Variants in KATNAL2 observed in about 807,000 individuals in gnomAD.
KATNAL2 encodes katanin catalytic subunit A1 like 2.
In KATNAL2, 52 loss-of-function variants were observed where a neutral mutation model predicts 76.3. The ratio of observed to expected loss-of-function variants is 0.68; its 90% confidence interval spans 0.55 to 0.86. KATNAL2 has a LOEUF of 0.86. KATNAL2 is among the 40% of genes least tolerant of loss of function. KATNAL2 has a pLI of 0.00. For missense variants in KATNAL2, 660 were observed against 668.9 expected (o/e 0.99, Z 0.15); for synonymous variants, 243 against 244.2 (o/e 1.00, Z 0.05).
intron 3 of KATNAL2, among the ~76,000 whole-genome samples, chr18:46,956,806 G>A (rs1443698024): frequency 1.3e-5 from 2 of 152,134 alleles, no homozygotes; most frequent in Non-Finnish European, 2.9e-5. Context: ...ACTTTGGGAG[G>A]CTGAGGCAGG....
chr18:47,096,713 A>G (rs1185906341), intron 15 of KATNAL2, among the ~76,000 whole-genome samples: 1 of 152,174 alleles, frequency 6.6e-6, no homozygotes, highest in Non-Finnish European at 1.5e-5. Context: ...ACAGACTCAC[A>G]CTCAAGATGA....
chr18:47,089,698 A>C (rs1339625667), intron 15 of KATNAL2, among the ~76,000 whole-genome samples: 1 of 152,206 alleles, frequency 6.6e-6, no homozygotes, highest in African/African-American at 2.4e-5. Context: ...TTTTCACTAA[A>C]GATTAAAATA....
At chr18:47,064,223 G>A (rs1312567661) in intron 10 of KATNAL2, among the ~76,000 whole-genome samples, 1 of 151,524 alleles carries the variant, frequency 6.6e-6, no homozygotes, top group African/African-American at 2.4e-5. Flanking sequence ...CAGGGACAAA[G>A]TGCACTTTAA....
At chr18:47,038,566 C>T (rs1313858640) in intron 3 of KATNAL2, among the ~76,000 whole-genome samples, 1 of 152,136 alleles carries the variant, frequency 6.6e-6, no homozygotes, top group Non-Finnish European at 1.5e-5. Flanking sequence ...CAGGTATGCG[C>T]ATTTTTCTCT....
chr18:47,087,915 A>G (rs2062843770), intron 15 of KATNAL2, among the ~76,000 whole-genome samples: 1 of 151,410 alleles, frequency 6.6e-6, no homozygotes, highest in Non-Finnish European at 1.5e-5. Flanking sequence ...CCCACATAAA[A>G]CTCCATTGTA....
chr18:47,069,236 C>T lies in KATNAL2; in HGVS notation c.842C>T (p.Thr281Ile). ...TTTCCTTAGTATCCACAGCTATTTACAGGAATTCTTTCTCCCTGGAAAGGA... is the reference window on the plus strand; with the variant it reads ...TTTCCTTAGTATCCACAGCTATTTATAGGAATTCTTTCTCCCTGGAAAGGA... Reference protein sequence around the residue: ...VYPIRYPQLFTGILSPWKGLL... With the variant: ...VYPIRYPQLFIGILSPWKGLL... The change falls in exon 12 of 18, where the codon ACA becomes ATA. Residue 281 changes from threonine to isoleucine, a missense_variant. By Grantham distance (89) the Thr-to-Ile change is moderately conservative. Transcript: ENST00000683218. 4 of 1,611,234 alleles carry T rather than the reference C, an allele frequency of 2.5e-6. No homozygotes were observed. The highest frequency in any genetic ancestry group is 3.4e-6 in the Non-Finnish European group (4 of 1,178,540).
chr18:46,951,704 G>T (rs1211144834), intron 3 of KATNAL2, among the ~76,000 whole-genome samples: 3 of 152,086 alleles, frequency 2.0e-5, no homozygotes, highest in African/African-American at 4.8e-5. Context: ...ACCTTGATTG[G>T]TGATTTGGCT....
At chr18:46,929,756 G>T (rs998941493) in intron 1 of KATNAL2, among the ~76,000 whole-genome samples, 1 of 152,120 alleles carries the variant, frequency 6.6e-6, no homozygotes, top group Admixed American at 6.5e-5. Flanking sequence ...ACATAGAGAA[G>T]AAGTATGTTT....
At chr18:46,941,087 G>T (rs892516979) in intron 1 of KATNAL2, among the ~76,000 whole-genome samples, 1 of 152,186 alleles carries the variant, frequency 6.6e-6, no homozygotes, top group African/African-American at 2.4e-5. Flanking sequence ...GTTTTGGGAT[G>T]CCAAAGCGGG....
At chr18:46,928,477 G>T (rs1186389061) in intron 1 of KATNAL2, among the ~76,000 whole-genome samples, 6 of 152,142 alleles carry the variant, frequency 3.9e-5, no homozygotes, top group African/African-American at 1.4e-4. Context: ...GGCCGTGTGA[G>T]GTGTCAGTCT....
intron 3 of KATNAL2, among the ~76,000 whole-genome samples, chr18:47,031,233 T>C (rs1268501721): frequency 6.6e-6 from 1 of 151,272 alleles, no homozygotes; most frequent in Admixed American, 6.6e-5. Context: ...TCGGAAAGGC[T>C]TGCTCTGGTC....
intron 3 of KATNAL2, chr18:47,034,730 G>C (rs773602485): frequency 6.2e-7 from 1 of 1,613,004 alleles, no homozygotes. Flanking sequence ...TCGGGCATCC[G>C]GAGGGGAGCT....
chr18:46,955,140 C>CTCTCTCTTTCTTTCTTTCTTTCTT (rs1555834717), intron 3 of KATNAL2, among the ~76,000 whole-genome samples: 30 of 85,066 alleles, frequency 3.5e-4, no homozygotes, highest in African/African-American at 7.7e-4. Flanking sequence ...CTTTCTCTCT[C>CTCTCTCTTTCTTTCTTTCTTTCTT]TCTTTCTTTC....
intron 3 of KATNAL2, chr18:47,032,838 A>G: frequency 7.3e-7 from 1 of 1,371,034 alleles, no homozygotes; most frequent in Admixed American, 2.3e-5. Context: ...TGGGTGTGGG[A>G]GGCAAAATCA....
At chr18:46,946,760 C>G (rs961991966) in intron 2 of KATNAL2, 94 bp from the exon 3 acceptor site, 8 of 1,259,368 alleles carry the variant, frequency 6.4e-6, no homozygotes, top group Admixed American at 4.0e-5. Flanking sequence ...TGTCTGGGCT[C>G]TAGCCAATCC....
At chr18:46,962,064 G>A (rs563918763) in intron 3 of KATNAL2, among the ~76,000 whole-genome samples, 1 of 152,292 alleles carries the variant, frequency 6.6e-6, no homozygotes, top group South Asian at 2.1e-4. Context: ...ATGAGGAAAT[G>A]CATAGGCTGC....
rs769488777 is a variant in KATNAL2 at position 47,059,577 on chromosome 18, C to G, written c.472C>G (p.Leu158Val). Reference protein sequence around the residue: ...PNQEVVDNTRLESANFGLHIS... With the variant: ...PNQEVVDNTRVESANFGLHIS... ...TCAGGAGGTAGTTGATAACACTCGC[C>G]TGGAAAGTGCCAACTTCGGCCTACA... The change falls in exon 8 of 18, where the codon CTG (leucine) becomes GTG (valine). Residue 158 changes from leucine to valine, a missense_variant. Physicochemically the swap from Leu to Val is conservative, Grantham distance 32. Coordinates refer to ENST00000683218, the MANE Select transcript of KATNAL2 (RefSeq NM_001387690.1). The G allele has an allele frequency of 6.2e-7, 1 of 1,612,744 alleles. No individual in the cohort carries two copies. The highest frequency in any genetic ancestry group is 1.7e-5 in the Admixed American group (1 of 60,018).
chr18:46,939,913 A>T (rs2059199346), intron 1 of KATNAL2, among the ~76,000 whole-genome samples: 1 of 152,170 alleles, frequency 6.6e-6, no homozygotes. Context: ...CTTCATTTTT[A>T]AAACTAACAG....
chr18:46,934,162 C>G (rs1296287760), intron 1 of KATNAL2, among the ~76,000 whole-genome samples: 1 of 151,980 alleles, frequency 6.6e-6, no homozygotes, highest in Non-Finnish European at 1.5e-5. Context: ...GGTATATACC[C>G]AGTAATGGGA....
Sources: gnomAD v4.1 joint callset for allele counts (sites outside exome capture counted in the v4.1 genomes callset) on GRCh38, gnomAD v4.1.1 for gene constraint, MANE v1.5 for transcripts, NCBI Gene and HGNC (gene_info 2026-07-23, HGNC 2026-07-21) for gene names.